The following FARP1 variants were observed in gnomAD, a reference collection of about 807,000 sequenced individuals.
FARP1 encodes the protein FERM, ARHGEF and pleckstrin domain-containing protein 1.
Under a neutral mutation model 128.8 loss-of-function variants are expected in FARP1, and 52 were observed. That is an observed-to-expected ratio of 0.40 (90% CI 0.32 to 0.51). The LOEUF is 0.51. Ranked by LOEUF, FARP1 falls within the 20% of genes least tolerant of loss-of-function variation. The pLI, the probability that FARP1 is intolerant of heterozygous loss-of-function variation, is 0.45. For synonymous variants in FARP1, 580 were observed against 551.8 expected (o/e 1.05, Z -0.72); for missense variants, 1,333 against 1,367.9 (o/e 0.97, Z 0.40).
chr13:98,318,043 A>C (rs1594395257), intron 2 of FARP1, among the ~76,000 whole-genome samples: 99 of 94,488 alleles, frequency 1.0e-3, no homozygotes, highest in Admixed American at 1.7e-3. Flanking sequence ...CTCCCTCTTC[A>C]TCTCCTTCCT....
At chr13:98,332,632 T>A (rs1887559115) in intron 2 of FARP1, 1 of 152,246 alleles carries the variant, frequency 6.6e-6, no homozygotes, top group African/African-American at 2.4e-5. Context: ...AAAAGCCTTT[T>A]GCATAAAAAC....
At chr13:98,153,330 A>AAAATATATAAATAATATATATT (rs1876181385) in intron 1 of FARP1, among the ~76,000 whole-genome samples, 2 of 130,218 alleles carry the variant, frequency 1.5e-5, no homozygotes, top group Admixed American at 9.4e-5. Flanking sequence ...TAAATAATAT[A>AAAATATATAAATAATATATATT]ATATATAAAA....
chr13:98,174,250 A>G (rs942062977), intron 1 of FARP1, among the ~76,000 whole-genome samples: 1 of 152,058 alleles, frequency 6.6e-6, no homozygotes, highest in African/African-American at 2.4e-5. Context: ...TAAAAATGGA[A>G]TAAGAACTAT....
chr13:98,448,372 C>A lies in FARP1; in HGVS notation c.*55C>A. On this transcript the variant is annotated 3_prime_UTR_variant, in exon 27 of 27. Coordinates refer to ENST00000319562, the MANE Select transcript of FARP1 (RefSeq NM_005766.4). Reference sequence around the variant, plus strand: ...TGCTTTCCTGGAAGACGTTTCCTTTCTTCTGTATTAATGAAGCCTGGTAAA... The same window carrying A: ...TGCTTTCCTGGAAGACGTTTCCTTTATTCTGTATTAATGAAGCCTGGTAAA... 1 of 1,353,620 alleles carries A rather than the reference C, an allele frequency of 7.4e-7. No homozygotes were observed. The highest frequency in any genetic ancestry group is 1.1e-6 in the Non-Finnish European group (1 of 942,502). The allele number at this position is 1,353,620 out of a possible 1,614,324, so 83.9% of individuals were successfully genotyped here. A position where few individuals can be genotyped will look rare whatever the true frequency, so the allele number is the denominator to read the frequency against.
At chr13:98,153,384 TAATA>T (rs1402611785) in intron 1 of FARP1, among the ~76,000 whole-genome samples, 6 of 118,044 alleles carry the variant, frequency 5.1e-5, no homozygotes, top group Admixed American at 1.1e-4. Context: ...TATAAATATA[TAATA>T]AATAATACAT....
chr13:98,244,940 C>T (rs1435848059), intron 2 of FARP1: 2 of 1,347,484 alleles, frequency 1.5e-6, no homozygotes, highest in Admixed American at 3.2e-5. Context: ...AGATTTGGTG[C>T]CTCTTAAAGG....
At position 98,395,433 on chromosome 13, in the gene FARP1, T is replaced by C; in HGVS notation, c.1371T>C (p.Asp457=). The change falls in exon 13 of 27, where the codon GAT becomes GAC. Residue 457 remains aspartate (D), a synonymous_variant. Coordinates refer to ENST00000319562, the MANE Select transcript of FARP1 (RefSeq NM_005766.4). ...PTEEEEEVVK[D]RTQQSKPQPP... is the part of the protein sequence containing the mutation. ...AGGAAGAGGAGGAGGTCGTTAAGGA[T>C]AGGACCCAGCAGAGTAAACCTCAGC... 1.2e-6 allele frequency: 2 copies of C among 1,608,328 alleles called. No homozygotes were observed. Among genetic ancestry groups the C allele is most frequent in the Non-Finnish European group, 1.7e-6 (2 of 1,176,416 alleles).
chr13:98,182,478 C>A (rs1594241633), intron 1 of FARP1, among the ~76,000 whole-genome samples: 1 of 152,182 alleles, frequency 6.6e-6, no homozygotes, highest in East Asian at 1.9e-4. Context: ...AGGCACACGC[C>A]CCCACACCTG....
At chr13:98,291,386 C>T (rs1885439113) in intron 2 of FARP1, among the ~76,000 whole-genome samples, 1 of 152,004 alleles carries the variant, frequency 6.6e-6, no homozygotes, top group African/African-American at 2.4e-5. Flanking sequence ...GTCTCTGGGA[C>T]GGCAGAGGCA....
intron 16 of FARP1, among the ~76,000 whole-genome samples, chr13:98,420,536 C>G (rs147029325): frequency 6.6e-6 from 1 of 152,154 alleles, no homozygotes; most frequent in Non-Finnish European, 1.5e-5. Flanking sequence ...GTGTGTGTTG[C>G]GTCCTTTGCT....
intron 2 of FARP1, among the ~76,000 whole-genome samples, chr13:98,240,231 T>C (rs1882686370): frequency 1.3e-5 from 2 of 152,164 alleles, no homozygotes; most frequent in Admixed American, 6.5e-5. Flanking sequence ...TTGGGACTTT[T>C]GGAAAAGGAA....
rs140842113 is a variant in FARP1, at chr13:98,414,639, C to T, written c.1826+2605C>T. Among the ~76,000 whole-genome samples, 17 of 152,264 alleles carry T rather than the reference C, an allele frequency of 1.1e-4. No individual in the cohort carries two copies. The East Asian group carries it at 3.1e-3, about 28-fold the overall frequency. On this transcript the variant is annotated intron_variant, in intron 16 of 26. Transcript: ENST00000319562. ...CTCTGAGGGGTAGAACCAATGCATT[C>T]GTAGGTTCTAAACTTCCCAGGTGAT... is the stretch of plus-strand genomic sequence containing the variant.
chr13:98,192,111 A>G (rs1330845603), intron 1 of FARP1, among the ~76,000 whole-genome samples: 3 of 152,024 alleles, frequency 2.0e-5, no homozygotes, highest in Non-Finnish European at 4.4e-5. Flanking sequence ...AAACTTTAAC[A>G]TCATAACAAA....
chr13:98,348,174 T>C (rs1405222232), intron 3 of FARP1, among the ~76,000 whole-genome samples: 1 of 152,256 alleles, frequency 6.6e-6, no homozygotes, highest in Non-Finnish European at 1.5e-5. Context: ...GTCCCAAGGC[T>C]TGTCAATTAA....
At position 98,335,922 on chromosome 13, in the gene FARP1, G is replaced by A. The variant is rs28527296; in HGVS notation, c.172-7840G>A. Among the ~76,000 whole-genome samples, 786 of 152,260 alleles carry A rather than the reference G, an allele frequency of 5.2e-3. 11 individuals are homozygous for A. Among genetic ancestry groups the A allele is most frequent in the African/African-American group, 0.018 (740 of 41,546 alleles). Reference sequence around the variant, plus strand: ...AGCATGCCTTGGTTGTCATGGTTACGCTAATCCCAAAACAGCAAAAATGAA... The same window carrying A: ...AGCATGCCTTGGTTGTCATGGTTACACTAATCCCAAAACAGCAAAAATGAA... On this transcript the variant is annotated intron_variant, in intron 2 of 26. Transcript: ENST00000319562.
intron 7 of FARP1, among the ~76,000 whole-genome samples, chr13:98,385,434 G>A (rs1890058767): frequency 6.6e-6 from 1 of 152,174 alleles, no homozygotes; most frequent in Non-Finnish European, 1.5e-5. Context: ...AACAAAAACT[G>A]GCTGAGTTTG....
rs547709941 is a variant in FARP1, at chr13:98,419,236, G to A, written c.1827-5336G>A. Among the ~76,000 whole-genome samples the A allele has an allele frequency of 2.6e-5, 4 of 152,296 alleles. No individual in the cohort carries two copies. The South Asian group carries it at 8.3e-4, about 32-fold the overall frequency. On this transcript the variant is annotated intron_variant, in intron 16 of 26. Coordinates refer to ENST00000319562, the MANE Select transcript of FARP1 (RefSeq NM_005766.4). ...CGCCTATAATCCCAGCACTTTGGGA[G>A]GCCGAGGTGGGTGGATCACCTGAGG...
intron 2 of FARP1, among the ~76,000 whole-genome samples, chr13:98,322,842 C>A (rs1433674464): frequency 6.6e-6 from 1 of 152,168 alleles, no homozygotes; most frequent in Non-Finnish European, 1.5e-5. Context: ...GTATATACCA[C>A]GCATACATGC....
intron 17 of FARP1, among the ~76,000 whole-genome samples, chr13:98,428,237 C>T (rs1019058929): frequency 6.6e-6 from 1 of 152,176 alleles, no homozygotes; most frequent in African/African-American, 2.4e-5. Flanking sequence ...TGTGAATGTC[C>T]ACTTGCACAC....
Sources: gnomAD v4.1 joint callset for allele counts (sites outside exome capture counted in the v4.1 genomes callset) on GRCh38, gnomAD v4.1.1 for gene constraint, MANE v1.5 for transcripts, NCBI Gene and HGNC (gene_info 2026-07-23, HGNC 2026-07-21) for gene names.